COL22A1: variants seen among roughly 807,000 people sequenced by gnomAD.
COL22A1 encodes collagen alpha-1(XXII) chain.
COL22A1 carries 221 observed loss-of-function variants against 248.9 expected under a neutral mutation model. The observed-to-expected ratio is 0.89, with a 90% CI of 0.80 to 0.99. COL22A1 has a LOEUF of 0.99. Ranked by LOEUF, COL22A1 falls within the 50% of genes least tolerant of loss-of-function variation. COL22A1 has a pLI of 0.00. For missense variants in COL22A1, 2,240 were observed against 2,179.0 expected, an observed-to-expected ratio of 1.03 and a Z score of -0.56; for synonymous variants, 891 against 793.4, an observed-to-expected ratio of 1.12 and a Z score of -2.07.
At chr8:138,890,007 G>A (rs1389625062) in intron 1 of COL22A1, among the ~76,000 whole-genome samples, 2 of 152,090 alleles carry the variant, frequency 1.3e-5, no homozygotes, top group East Asian at 3.9e-4. Flanking sequence ...AATCAAATTC[G>A]GGCAGCATAG....
At chr8:138,765,370 A>T (rs950171620) in intron 16 of COL22A1, among the ~76,000 whole-genome samples, 4 of 152,118 alleles carry the variant, frequency 2.6e-5, no homozygotes, top group African/African-American at 7.2e-5. Context: ...CCTAGGGTGC[A>T]CCTTGTCCAA....
At position 138,767,797 on chromosome 8, in the gene COL22A1, C is replaced by T. The variant is rs1834025011; in HGVS notation, c.1804-5331G>A. ...TCTGAGTTGCTGACAGCAGAGGGCG[C>T]CCCCACTCCACTGAAAGCAGAAAAC... On this transcript the variant is annotated intron_variant, in intron 16 of 64. Transcript: ENST00000303045. Among the ~76,000 whole-genome samples the T allele has an allele frequency of 3.3e-5, 5 of 152,200 alleles. No individual in the cohort carries two copies. The South Asian group carries it at 8.3e-4, about 25-fold the overall frequency.
rs201701350 is a variant in COL22A1, at chr8:138,708,288, C to G, written c.2518-4941G>C. 8.5e-5 allele frequency among the ~76,000 whole-genome samples: 13 copies of G among 152,204 alleles called. No individual in the cohort carries two copies. In the South Asian group the frequency reaches 2.5e-3, roughly 29 times the overall value. On this transcript the variant is annotated intron_variant, in intron 30 of 64. Coordinates refer to ENST00000303045, the MANE Select transcript of COL22A1 (RefSeq NM_152888.3). ...CTTCACAGAATTGGAAAAAACTACT[C>G]TAAAGTTCATAGGGAACCAAAAAAG...
chr8:138,593,242 G>A (rs1817235026), intron 63 of COL22A1, among the ~76,000 whole-genome samples: 1 of 151,782 alleles, frequency 6.6e-6, no homozygotes, highest in African/African-American at 2.4e-5. Flanking sequence ...GGGGACAGAG[G>A]GCATTAGGAC....
At chr8:138,591,596 G>GAATGCCACA in intron 63 of COL22A1, 95 bp from the exon 64 acceptor site, 1 of 918,176 alleles carries the variant, frequency 1.1e-6, no homozygotes, top group Non-Finnish European at 1.6e-6. Flanking sequence ...GGCAGCACTG[G>GAATGCCACA]GCTGCTGTGG....
intron 53 of COL22A1, 152 bp from the exon 54 acceptor site, chr8:138,617,110 G>A (rs1317802999): frequency 1.4e-5 from 11 of 775,622 alleles, no homozygotes; most frequent in Non-Finnish European, 2.2e-5. Context: ...GCCATGCTCG[G>A]TGCCAGAGGT....
chr8:138,755,477 C>T lies in COL22A1; in HGVS notation c.1977+5G>A. 3.7e-6 allele frequency: 6 copies of T among 1,613,848 alleles called. No individual in the cohort carries two copies. Among genetic ancestry groups the T allele is most frequent in the Non-Finnish European group, 4.2e-6 (5 of 1,179,726 alleles). On this transcript the variant is annotated splice_donor_5th_base_variant and intron_variant, in intron 20 of 64. Coordinates refer to ENST00000303045, the MANE Select transcript of COL22A1 (RefSeq NM_152888.3). Reference sequence around the variant, plus strand: ...CCATGAGAAGAAGACGCGTGTGCCTCTTACCTGTTCCCCTTTCAAGCCCTC... The same window carrying T: ...CCATGAGAAGAAGACGCGTGTGCCTTTTACCTGTTCCCCTTTCAAGCCCTC...
chr8:138,676,928 T>C lies in COL22A1; in HGVS notation c.3073-293A>G, dbSNP rs111627185. ...CACTATGGCCCTCCCCATGTGAGCA[T>C]TGTCCAAATCTACCATGCTTTCTTC... On this transcript the variant is annotated intron_variant, in intron 40 of 64. Coordinates refer to ENST00000303045, the MANE Select transcript of COL22A1 (RefSeq NM_152888.3). 4.5e-3 allele frequency among the ~76,000 whole-genome samples: 690 copies of C among 152,306 alleles called. 6 individuals carry two copies. The highest frequency in any genetic ancestry group is 0.016 in the African/African-American group (654 of 41,566).
chr8:138,851,305 A>G (rs774725342), intron 3 of COL22A1, among the ~76,000 whole-genome samples: 3 of 152,188 alleles, frequency 2.0e-5, no homozygotes, highest in Admixed American at 6.5e-5. Context: ...GCTTATCATG[A>G]GGGTGAGGAG....
intron 16 of COL22A1, among the ~76,000 whole-genome samples, chr8:138,764,294 C>A (rs539974048): frequency 1.3e-5 from 2 of 152,300 alleles, no homozygotes; most frequent in East Asian, 3.9e-4. Context: ...CCTTGTGTGG[C>A]TGCTCCTATC....
At chr8:138,662,646 C>G (rs1337570372) in intron 42 of COL22A1, among the ~76,000 whole-genome samples, 2 of 152,098 alleles carry the variant, frequency 1.3e-5, no homozygotes, top group Non-Finnish European at 2.9e-5. Flanking sequence ...AGTGGGAATT[C>G]CTGGCAGTTG....
At chr8:138,716,953 C>G (rs1829485664) in intron 27 of COL22A1, 84 bp from the exon 28 acceptor site, 2 of 1,004,502 alleles carry the variant, frequency 2.0e-6, no homozygotes, top group East Asian at 4.8e-5. Flanking sequence ...CTCACACATT[C>G]ATAGCACCTG....
At chr8:138,892,679 C>G (rs1047247152) in intron 1 of COL22A1, among the ~76,000 whole-genome samples, 2 of 152,234 alleles carry the variant, frequency 1.3e-5, no homozygotes, top group African/African-American at 4.8e-5. Flanking sequence ...TGAGTTCCTT[C>G]CACAAGCCAG....
At chr8:138,811,729 T>A in intron 9 of COL22A1, 70 bp downstream of exon 9, 1 of 1,595,208 alleles carries the variant, frequency 6.3e-7, no homozygotes. Flanking sequence ...AAAGGCCACA[T>A]GCATGATGGG....
intron 4 of COL22A1, among the ~76,000 whole-genome samples, chr8:138,843,441 C>A (rs1421537166): frequency 6.6e-6 from 1 of 152,118 alleles, no homozygotes; most frequent in Non-Finnish European, 1.5e-5. Flanking sequence ...GCAGTGGCTT[C>A]CTGGTTGGGA....
intron 12 of COL22A1, among the ~76,000 whole-genome samples, chr8:138,795,250 G>A (rs1023191558): frequency 2.6e-5 from 4 of 152,158 alleles, no homozygotes; most frequent in African/African-American, 4.8e-5. Context: ...AGAGAGTGGC[G>A]GAATGGAGAC....
chr8:138,615,080 C>T (rs182668664), intron 55 of COL22A1, among the ~76,000 whole-genome samples: 119 of 152,316 alleles, frequency 7.8e-4, no homozygotes, highest in Admixed American at 2.2e-3. Flanking sequence ...CCCTGCAGGA[C>T]GCCACATGCA....
At chr8:138,892,588 G>A (rs943016184) in intron 1 of COL22A1, among the ~76,000 whole-genome samples, 3 of 152,190 alleles carry the variant, frequency 2.0e-5, no homozygotes, top group African/African-American at 7.2e-5. Flanking sequence ...CAAGCTGGCA[G>A]GATGTAGGCC....
At chr8:138,624,646 CAG>C (rs570774699) in intron 51 of COL22A1, among the ~76,000 whole-genome samples, 169 of 152,298 alleles carry the variant, frequency 1.1e-3, no homozygotes, top group Admixed American at 2.2e-3. Flanking sequence ...AAAATTAAAT[CAG>C]TACGTATTTC....
Sources: allele counts gnomAD v4.1 joint callset (sites outside exome capture counted in the v4.1 genomes callset), GRCh38; gene constraint gnomAD v4.1.1; transcripts MANE v1.5; gene names NCBI Gene and HGNC (gene_info 2026-07-23, HGNC 2026-07-21).